COX15: variants seen among roughly 807,000 people sequenced by gnomAD.
COX15 encodes the protein cytochrome c oxidase assembly factor COX15, also known as heme A synthase COX15.
COX15 carries 51 observed loss-of-function variants against 51.9 expected under a neutral mutation model. The observed-to-expected ratio is 0.98, with a 90% CI of 0.78 to 1.24. COX15 has a LOEUF of 1.24. Among genes scored for constraint, COX15 ranks in the 50% most tolerant of loss-of-function variants. The probability of loss-of-function intolerance (pLI) is 0.00; values close to 1 mark genes in which losing one functional copy is unlikely to be tolerated. For missense variants in COX15, 420 were observed against 501.1 expected, an observed-to-expected ratio of 0.84 and a Z score of 1.55; for synonymous variants, 188 against 190.5, an observed-to-expected ratio of 0.99 and a Z score of 0.11.
At chr10:99,728,227 CA>C (rs2037025286) in intron 2 of COX15, among the ~76,000 whole-genome samples, 1 of 152,068 alleles carries the variant, frequency 6.6e-6, no homozygotes, top group Non-Finnish European at 1.5e-5. Flanking sequence ...AGGGCCCTGC[CA>C]AAAAGTCACT....
At chr10:99,695,527 AAAAAG>A in the COX15 span, among the ~76,000 whole-genome samples, 8 of 152,106 alleles carry the variant, frequency 5.3e-5, no homozygotes, top group South Asian at 1.5e-3. Flanking sequence ...TCTCAAAAAA[AAAAAG>A]AAAAGAAAAA....
the COX15 span, among the ~76,000 whole-genome samples, chr10:99,699,827 A>G: frequency 6.6e-6 from 1 of 151,958 alleles, no homozygotes; most frequent in Non-Finnish European, 1.5e-5. Context: ...TGGCCCCCCA[A>G]AGTGCTGAGA....
Position 99,711,613 on chromosome 10 carries a change from AC to A in COX15, c.*2973del. ...TCTGCACATTGGAATCACCTGGGGA[AC>A]TTTAAAAATATGCCTTTTACTTCCT... On this transcript the variant is annotated 3_prime_UTR_variant, in exon 9 of 9. Transcript: ENST00000016171. The A allele has an allele frequency of 1.0e-6, 1 of 985,010 alleles. No individual in the cohort carries two copies. The highest frequency in any genetic ancestry group is 1.2e-6 in the Non-Finnish European group (1 of 829,574). The allele number at this position is 985,010 out of a possible 1,614,324, so 61.0% of individuals were successfully genotyped here.
At chr10:99,698,877 A>G in the COX15 span, 1 of 1,571,114 alleles carries the variant, frequency 6.4e-7, no homozygotes, top group Non-Finnish European at 8.6e-7. Context: ...TTAATGATAA[A>G]CATGGCTTAT....
intron 6 of COX15, among the ~76,000 whole-genome samples, chr10:99,719,436 C>T (rs375184164): frequency 2.5e-4 from 37 of 150,726 alleles, no homozygotes; most frequent in South Asian, 1.3e-3. Context: ...TCAGGTGATC[C>T]GCCTGCCTCG....
the COX15 span, chr10:99,698,876 A>C: frequency 6.4e-7 from 1 of 1,571,594 alleles, no homozygotes; most frequent in Non-Finnish European, 8.6e-7. Context: ...ATTAATGATA[A>C]ACATGGCTTA....
At position 99,729,613 on chromosome 10, in the gene COX15, C is replaced by T. The variant is rs991351276; in HGVS notation, c.212G>A (p.Arg71Gln). 3 of 1,613,994 alleles carry T rather than the reference C, an allele frequency of 1.9e-6. No homozygotes were observed. The highest frequency in any genetic ancestry group is 2.2e-5 in the East Asian group (1 of 44,882). The change falls in exon 2 of 9, where the codon CGA (arginine) becomes CAA (glutamine). Residue 71 changes from arginine to glutamine, a missense_variant. Transcript: ENST00000016171. ...TGTTCCACTGCAGACCAGGAGCCAT[C>T]GGCCCACCACCCGCTCAGCAGCCTT... ...PSKAAERVVG[R>Q]WLLVCSGTVA...
the COX15 span, among the ~76,000 whole-genome samples, chr10:99,700,189 A>G: frequency 6.6e-6 from 1 of 152,046 alleles, no homozygotes; most frequent in Non-Finnish European, 1.5e-5. Context: ...TTGAACACCA[A>G]AAGGCTCAAG....
intron 4 of COX15, among the ~76,000 whole-genome samples, chr10:99,724,813 C>CT (rs1339497396): frequency 2.6e-5 from 4 of 151,084 alleles, no homozygotes; most frequent in African/African-American, 9.7e-5. Context: ...AAGGTAAATG[C>CT]TTAAAAACAT....
intron 6 of COX15, among the ~76,000 whole-genome samples, chr10:99,719,124 TAAAC>T (rs1348743015): frequency 2.6e-5 from 4 of 152,192 alleles, no homozygotes; most frequent in Non-Finnish European, 5.9e-5. Context: ...AAATCCTGGA[TAAAC>T]AAATAAAGAG....
chr10:99,697,835 AC>A, the COX15 span: 1 of 152,864 alleles, frequency 6.5e-6, no homozygotes, highest in South Asian at 2.1e-4. Flanking sequence ...AGTTACTTGG[AC>A]CCCAACTTAA....
At chr10:99,698,347 CT>C in the COX15 span, among the ~76,000 whole-genome samples, 2 of 152,034 alleles carry the variant, frequency 1.3e-5, no homozygotes, top group South Asian at 2.1e-4. Flanking sequence ...ATATTCCTCT[CT>C]TTTTTTTCTA....
At chr10:99,701,721 T>C in the COX15 span, among the ~76,000 whole-genome samples, 1 of 152,136 alleles carries the variant, frequency 6.6e-6, no homozygotes, top group African/African-American at 2.4e-5. Flanking sequence ...TATGGTTCAT[T>C]GGTCCTTTCA....
Position 99,711,591 on chromosome 10 carries a change from G to A in COX15, c.*2996C>T, listed in dbSNP as rs1451896936. Reference sequence around the variant, plus strand: ...AAGCCAGTGGTCCCTAGACTTGTCTGCACATTGGAATCACCTGGGGAACTT... The same window carrying A: ...AAGCCAGTGGTCCCTAGACTTGTCTACACATTGGAATCACCTGGGGAACTT... On this transcript the variant is annotated 3_prime_UTR_variant, in exon 9 of 9. Transcript: ENST00000016171. 1 of 984,998 alleles carries A rather than the reference G, an allele frequency of 1.0e-6. No homozygotes were observed. Among genetic ancestry groups the A allele is most frequent in the Non-Finnish European group, 1.2e-6 (1 of 829,660 alleles). 61.0% of individuals were successfully genotyped at this position (984,998 alleles called of 1,614,324 possible).
At chr10:99,716,710 C>A in intron 7 of COX15, 1 of 421,624 alleles carries the variant, frequency 2.4e-6, no homozygotes, top group Non-Finnish European at 4.5e-6. Flanking sequence ...CTTTATACAC[C>A]CTCACTCCCA....
chr10:99,730,103 T>C (rs947569999), intron 1 of COX15, among the ~76,000 whole-genome samples: 7 of 152,244 alleles, frequency 4.6e-5, no homozygotes, highest in African/African-American at 1.7e-4. Flanking sequence ...TCCGCTTACA[T>C]GTCACCTCCT....
rs992465077 is a variant in COX15, at chr10:99,711,059, A to G, written c.*3528T>C. The G allele has an allele frequency of 1.2e-5, 12 of 984,476 alleles. No homozygotes were observed. Among genetic ancestry groups the G allele is most frequent in the African/African-American group, 8.8e-5 (5 of 56,956 alleles). The allele number at this position is 984,476 out of a possible 1,614,324, so 61.0% of individuals were successfully genotyped here. ...TTCCATTCATGCATTCACTAATTCAATATTTGATATGTGTCTGGGAGTGCT... is the reference window on the plus strand; with the variant it reads ...TTCCATTCATGCATTCACTAATTCAGTATTTGATATGTGTCTGGGAGTGCT... On this transcript the variant is annotated 3_prime_UTR_variant, in exon 9 of 9. Coordinates refer to ENST00000016171, the MANE Select transcript of COX15 (RefSeq NM_078470.6).
chr10:99,698,811 C>T, the COX15 span: 14 of 1,612,092 alleles, frequency 8.7e-6, no homozygotes, highest in South Asian at 2.2e-5. Flanking sequence ...GGATGTGTTG[C>T]GCATTGGTGG....
the COX15 span, among the ~76,000 whole-genome samples, chr10:99,699,158 T>A: frequency 3.4e-3 from 520 of 152,310 alleles, 7 homozygotes; most frequent in African/African-American, 0.01. Flanking sequence ...TTTCCAATAG[T>A]CTTGTTTAAT....
Sources: allele counts gnomAD v4.1 joint callset (sites outside exome capture counted in the v4.1 genomes callset), GRCh38; gene constraint gnomAD v4.1.1; transcripts MANE v1.5; gene names NCBI Gene and HGNC (gene_info 2026-07-23, HGNC 2026-07-21).